The following ASTN2 variants were observed in gnomAD, a reference collection of about 807,000 sequenced individuals.
ASTN2 encodes astrotactin-2.
ASTN2 carries 54 observed loss-of-function variants against 139.8 expected under a neutral mutation model. The ratio of observed to expected loss-of-function variants is 0.39; its 90% confidence interval spans 0.31 to 0.48. ASTN2 has a LOEUF of 0.48. Among genes scored for constraint, ASTN2 ranks in the 20% least tolerant of loss-of-function variants. The pLI, the probability that ASTN2 is intolerant of heterozygous loss-of-function variation, is 0.95. For synonymous variants in ASTN2, 756 were observed against 719.5 expected (o/e 1.05, Z -0.81); for missense variants, 1,565 against 1,725.1 (o/e 0.91, Z 1.64).
intron 1 of ASTN2, among the ~76,000 whole-genome samples, chr9:117,408,824 A>G (rs998644018): frequency 3.3e-5 from 5 of 152,226 alleles, no homozygotes; most frequent in African/African-American, 1.2e-4. Context: ...TCAATAACAT[A>G]GTACTTTCTG....
At position 116,699,880 on chromosome 9, in the gene ASTN2, G is replaced by A. The variant is rs539458612; in HGVS notation, c.2806+25891C>T. 3.8e-5 allele frequency: 31 copies of A among 816,728 alleles called. No individual in the cohort carries two copies. The highest frequency in any genetic ancestry group is 5.4e-5 in the East Asian group (2 of 37,334). The allele number at this position is 816,728 out of a possible 1,614,324, so 50.6% of individuals were successfully genotyped here. On this transcript the variant is annotated intron_variant, in intron 16 of 22. Coordinates refer to ENST00000313400, the MANE Select transcript of ASTN2 (RefSeq NM_001365068.1). This position sits in a 1 kb window ranked among gnomAD's most constrained non-coding sequence, Gnocchi z 4.2. ...TTTTATTTGTTATGTCCCCCTCCCC[G>A]CTTCCCACCTAAATTTAGAGCTTTA...
chr9:116,674,766 A>G (rs558746451), intron 16 of ASTN2, among the ~76,000 whole-genome samples: 27 of 152,230 alleles, frequency 1.8e-4, no homozygotes, highest in Middle Eastern at 3.4e-3. Flanking sequence ...CCCTGGACTC[A>G]GGAACTGACT....
At chr9:116,848,201 G>C (rs573101746) in intron 11 of ASTN2, among the ~76,000 whole-genome samples, 3 of 152,200 alleles carry the variant, frequency 2.0e-5, no homozygotes, top group Non-Finnish European at 4.4e-5. Context: ...ATGGAAAACA[G>C]GCTTGGAGAG....
chr9:116,966,522 A>C (rs1836014576), intron 10 of ASTN2, among the ~76,000 whole-genome samples: 4 of 152,112 alleles, frequency 2.6e-5, no homozygotes, highest in Admixed American at 2.6e-4. Flanking sequence ...AACTCATCCT[A>C]ATAGACTTCA....
Position 116,473,764 on chromosome 9 carries a change from G to A in ASTN2, c.3497+13595C>T, listed in dbSNP as rs146327987. 4.9e-3 allele frequency among the ~76,000 whole-genome samples: 739 copies of A among 152,176 alleles called. 6 individuals carry two copies. The highest frequency in any genetic ancestry group is 0.016 in the African/African-American group (685 of 41,530). On this transcript the variant is annotated intron_variant, in intron 20 of 22. Coordinates refer to ENST00000313400, the MANE Select transcript of ASTN2 (RefSeq NM_001365068.1). ...CTAAAAATACAAAAATTAGCTGGGC[G>A]TGTTGGTGGGCACCTGTAACCCAGC... is the stretch of plus-strand genomic sequence containing the variant.
chr9:116,560,193 C>T (rs1463518492), intron 19 of ASTN2, among the ~76,000 whole-genome samples: 1 of 152,162 alleles, frequency 6.6e-6, no homozygotes, highest in African/African-American at 2.4e-5. Flanking sequence ...TATACATTGC[C>T]TCTCTTGCCT....
intron 20 of ASTN2, among the ~76,000 whole-genome samples, chr9:116,443,125 G>A (rs1057149994): frequency 6.6e-6 from 1 of 152,196 alleles, no homozygotes; most frequent in African/African-American, 2.4e-5. Context: ...AGACTAATGC[G>A]GGAGCATGGG....
At chr9:116,788,910 G>C (rs1012374711) in intron 13 of ASTN2, among the ~76,000 whole-genome samples, 1 of 152,134 alleles carries the variant, frequency 6.6e-6, no homozygotes, top group African/African-American at 2.4e-5. Flanking sequence ...CCCAGAACCT[G>C]TCACATAATA....
intron 10 of ASTN2, among the ~76,000 whole-genome samples, chr9:116,958,958 G>C (rs556534085): frequency 6.6e-6 from 1 of 152,152 alleles, no homozygotes; most frequent in Non-Finnish European, 1.5e-5. Context: ...TGCCATGTGG[G>C]GCCTCAATTT....
chr9:117,311,699 C>G (rs1465476889), intron 1 of ASTN2, among the ~76,000 whole-genome samples: 2 of 152,058 alleles, frequency 1.3e-5, no homozygotes, highest in African/African-American at 4.8e-5. Context: ...TTTAATTGTC[C>G]CACACACACA....
At chr9:116,658,282 A>C (rs532209190) in intron 16 of ASTN2, among the ~76,000 whole-genome samples, 1 of 152,272 alleles carries the variant, frequency 6.6e-6, no homozygotes, top group South Asian at 2.1e-4. Flanking sequence ...ACTAGGTCCT[A>C]TCTTCACCTG....
intron 19 of ASTN2, among the ~76,000 whole-genome samples, chr9:116,607,789 G>A (rs576718197): frequency 6.6e-6 from 1 of 150,516 alleles, no homozygotes; most frequent in Non-Finnish European, 1.5e-5. Context: ...GTGAAGCCCC[G>A]TCTCTATTTA....
At chr9:116,571,851 G>A (rs1025080909) in intron 19 of ASTN2, among the ~76,000 whole-genome samples, 11 of 151,950 alleles carry the variant, frequency 7.2e-5, no homozygotes, top group African/African-American at 9.7e-5. Context: ...TCTGCCTTTC[G>A]TTGGCTGCAC....
At chr9:116,724,567 C>T (rs537252767) in intron 16 of ASTN2, among the ~76,000 whole-genome samples, 1 of 152,332 alleles carries the variant, frequency 6.6e-6, no homozygotes, top group African/African-American at 2.4e-5. Flanking sequence ...CCCTGCCAAG[C>T]AAAGCTGCGT....
At chr9:117,080,645 A>G (rs898299926) in intron 5 of ASTN2, among the ~76,000 whole-genome samples, 1 of 152,168 alleles carries the variant, frequency 6.6e-6, no homozygotes, top group Non-Finnish European at 1.5e-5. Flanking sequence ...TTATTACATT[A>G]TTTTACATTG....
chr9:116,653,627 G>A (rs1858046917), intron 16 of ASTN2, among the ~76,000 whole-genome samples: 1 of 152,206 alleles, frequency 6.6e-6, no homozygotes, highest in Non-Finnish European at 1.5e-5. Context: ...GCAAGCTCCT[G>A]CCTCAGTGGA....
At chr9:116,491,866 C>T (rs1356105208) in intron 19 of ASTN2, among the ~76,000 whole-genome samples, 5 of 152,162 alleles carry the variant, frequency 3.3e-5, no homozygotes, top group Non-Finnish European at 5.9e-5. Flanking sequence ...GGAGCCTGGG[C>T]TTTTAAGTTT....
chr9:116,726,980 C>CATTCTAT (rs1298834158), intron 15 of ASTN2, among the ~76,000 whole-genome samples: 1 of 151,040 alleles, frequency 6.6e-6, no homozygotes, highest in African/African-American at 2.4e-5. Context: ...AAATTTCTAT[C>CATTCTAT]ATTCTATCTT....
intron 2 of ASTN2, among the ~76,000 whole-genome samples, chr9:117,223,860 T>G (rs4452880): frequency 0.99 from 151,078 of 152,296 alleles, 74,945 homozygotes; most frequent in Middle Eastern, 1. Flanking sequence ...TCCCATTATA[T>G]AAAAAGAAAC....
Sources: gnomAD v4.1 joint callset for allele counts (sites outside exome capture counted in the v4.1 genomes callset) on GRCh38, gnomAD v4.1.1 for gene constraint, Gnocchi (gnomAD v3.1) non-coding constraint, MANE v1.5 for transcripts, NCBI Gene and HGNC (gene_info 2026-07-23, HGNC 2026-07-21) for gene names.